Variants in AXIN1 observed in about 807,000 individuals in gnomAD.
AXIN1 encodes axin 1.
Under a neutral mutation model 76.4 loss-of-function variants are expected in AXIN1, and 30 were observed. That is an observed-to-expected ratio of 0.39 (90% CI 0.29 to 0.53). The LOEUF (loss-of-function observed/expected upper bound fraction) is 0.53. AXIN1 is among the 20% of genes least tolerant of loss of function. The probability of loss-of-function intolerance (pLI) is 0.66; values close to 1 mark genes in which losing one functional copy is unlikely to be tolerated. For missense variants in AXIN1, 1,140 were observed against 1,198.8 expected, an observed-to-expected ratio of 0.95 and a Z score of 0.72; for synonymous variants, 545 against 501.4, an observed-to-expected ratio of 1.09 and a Z score of -1.16.
intron 2 of AXIN1, among the ~76,000 whole-genome samples, chr16:316,072 C>A (rs747980913): frequency 5.9e-5 from 9 of 151,914 alleles, no homozygotes; most frequent in East Asian, 1.9e-4. Flanking sequence ...ATAAATAAAT[C>A]AATCAGATAT....
rs1016858677 is a variant in AXIN1 at position 291,218 on chromosome 16, C to T, written c.2266G>A (p.Val756Met). The T allele has an allele frequency of 3.1e-6, 5 of 1,588,542 alleles. No individual in the cohort carries two copies. Among genetic ancestry groups the T allele is most frequent in the Admixed American group, 3.6e-5 (2 of 55,592 alleles). Residue 756 changes from valine (V) to methionine (M), a missense_variant, in exon 9 of 11, where the codon GTG becomes ATG. Val to Met is a conservative substitution (Grantham distance 21). Transcript: ENST00000262320. ...CAPVLHVVPAVSDMELSETET... is the reference protein window; with the variant it reads ...CAPVLHVVPAMSDMELSETET... ...GTCTCGGAGAGCTCCATGTCCGACA[C>T]GGCTGGTACCACGTGCAGCACCGGC...
chr16:297,677 C>A (rs374566993), intron 6 of AXIN1, 45 bp downstream of exon 6: 1 of 1,540,684 alleles, frequency 6.5e-7, no homozygotes. Context: ...TGCAGGGACA[C>A]AGCCTCACCC....
At position 296,908 on chromosome 16, in the gene AXIN1, C is replaced by T. The variant is rs1439486694; in HGVS notation, c.1955+148G>A. On this transcript the variant is annotated intron_variant, in intron 7 of 10. Transcript: ENST00000262320. ...GGCCCAGGGAGCCTGCTGGAGGGTGCCCGGGAGGGTGCCACAGTGACAGGG... is the reference window on the plus strand; with the variant it reads ...GGCCCAGGGAGCCTGCTGGAGGGTGTCCGGGAGGGTGCCACAGTGACAGGG... 5.1e-6 allele frequency: 5 copies of T among 979,274 alleles called. No individual in the cohort carries two copies. In the Admixed American group the frequency reaches 5.7e-5, roughly 11 times the overall value. The allele number at this position is 979,274 out of a possible 1,614,324, so 60.7% of individuals were successfully genotyped here. A position where few individuals can be genotyped will look rare whatever the true frequency, so the allele number is the denominator to read the frequency against.
At position 287,869 on chromosome 16, in the gene AXIN1, C is replaced by CCCCA; in HGVS notation, c.*252_*253insTGGG. The CCCCA allele has an allele frequency of 3.4e-6, 2 of 589,814 alleles. No homozygotes were observed. Among genetic ancestry groups the CCCCA allele is most frequent in the Non-Finnish European group, 6.0e-6 (2 of 333,514 alleles). 36.5% of individuals were successfully genotyped at this position (589,814 alleles called of 1,614,324 possible). A position where few individuals can be genotyped will look rare whatever the true frequency, so the allele number is the denominator to read the frequency against. The stretch of plus-strand genomic sequence containing the variant: ...AAGCTGGCAGCAGGGACCTCGGCTG[C>CCCCA]CTCACTTGGGCTGGGCCCTCCAAGT... On this transcript the variant is annotated 3_prime_UTR_variant, in exon 11 of 11. Transcript: ENST00000262320.
In AXIN1 at chr16:339,706, C is replaced by G. The variant is rs1597109317; in HGVS notation, c.878+6442G>C. Among the ~76,000 whole-genome samples, 10 of 152,018 alleles carry G rather than the reference C, an allele frequency of 6.6e-5. 2 individuals are homozygous for G. In the South Asian group the frequency reaches 2.1e-3, roughly 32 times the overall value. ...AAAAAAAAAAAAATTCTCTTCAGAT[C>G]TGCTCAAACAGGGGAAGCAAATACC... On this transcript the variant is annotated intron_variant, in intron 2 of 10. Coordinates refer to ENST00000262320, the MANE Select transcript of AXIN1 (RefSeq NM_003502.4).
At chr16:352,285 G>T in intron 1 of AXIN1, 84 bp downstream of exon 1, 1 of 844,290 alleles carries the variant, frequency 1.2e-6, no homozygotes, top group Non-Finnish European at 1.4e-6. Flanking sequence ...ACGCGCGTCA[G>T]CCACCCGCGC....
intron 5 of AXIN1, among the ~76,000 whole-genome samples, chr16:299,952 G>A (rs920642638): frequency 2.7e-4 from 40 of 150,144 alleles, no homozygotes; most frequent in African/African-American, 7.9e-4. Context: ...ACCGTGCCCG[G>A]CCTATTTTTA....
chr16:330,404 T>C (rs1296892498), intron 2 of AXIN1, among the ~76,000 whole-genome samples: 1 of 152,206 alleles, frequency 6.6e-6, no homozygotes, highest in African/African-American at 2.4e-5. Context: ...CAATCTGTCT[T>C]TGCATTGACT....
At chr16:310,528 C>G (rs183389635) in intron 3 of AXIN1, among the ~76,000 whole-genome samples, 1 of 152,196 alleles carries the variant, frequency 6.6e-6, no homozygotes, top group African/African-American at 2.4e-5. Flanking sequence ...TCCTGAGTAG[C>G]TGGGACTACA....
chr16:351,347 C>T (rs2054138743), intron 1 of AXIN1, among the ~76,000 whole-genome samples: 1 of 152,116 alleles, frequency 6.6e-6, no homozygotes, highest in African/African-American at 2.4e-5. Context: ...CGGTGGCTCA[C>T]GCCTGTAATC....
chr16:335,322 G>A (rs935567971), intron 2 of AXIN1, among the ~76,000 whole-genome samples: 2 of 151,984 alleles, frequency 1.3e-5, no homozygotes, highest in African/African-American at 4.8e-5. Context: ...GCACACCTCG[G>A]CCACTAGTCT....
Position 293,774 on chromosome 16 carries a change from T to G in AXIN1, c.1956-56A>C. On this transcript the variant is annotated intron_variant, in intron 7 of 10. Transcript: ENST00000262320. The surrounding 1 kb of genome is among the most constrained non-coding windows in gnomAD (Gnocchi z 4.6). ...TGGCCGACACCCTGGCCAGGTGGCC[T>G]GGTGGGGCTACACTCATCTCACAAG... 6.5e-7 allele frequency: 1 copy of G among 1,548,496 alleles called. No individual in the cohort carries two copies. The highest frequency in any genetic ancestry group is 8.9e-7 in the Non-Finnish European group (1 of 1,126,472).
chr16:333,873 C>A, intron 2 of AXIN1, among the ~76,000 whole-genome samples: 1 of 139,454 alleles, frequency 7.2e-6, no homozygotes, highest in Middle Eastern at 6.0e-3. Context: ...CACCCAATAC[C>A]ACAGCACACC....
intron 8 of AXIN1, chr16:291,529 CCCT>C: frequency 1.7e-6 from 1 of 589,404 alleles, no homozygotes; most frequent in Middle Eastern, 4.6e-4. Context: ...GGCACCAACC[CCCT>C]GAGTTCCCTG....
At chr16:297,313 C>G in intron 6 of AXIN1, 87 bp from the exon 7 acceptor site, 1 of 1,560,334 alleles carries the variant, frequency 6.4e-7, no homozygotes, top group South Asian at 1.1e-5. Context: ...CTCCTGGCAT[C>G]TGTAAGGCTC....
Position 348,904 on chromosome 16 carries a change from C to T in AXIN1, c.-81-1798G>A, listed in dbSNP as rs1404442824. 6.6e-5 allele frequency among the ~76,000 whole-genome samples: 10 copies of T among 152,006 alleles called. No homozygotes were observed. The East Asian group carries it at 1.9e-3, about 30-fold the overall frequency. The stretch of plus-strand genomic sequence containing the variant: ...ACGAGGTCAAGAGATCGAGACCATC[C>T]TGGCTAACACGGTGAAACCCCATCT... On this transcript the variant is annotated intron_variant, in intron 1 of 10. Transcript: ENST00000262320.
chr16:288,425 T>G, intron 10 of AXIN1, 177 bp from the exon 11 acceptor site: 1 of 939,242 alleles, frequency 1.1e-6, no homozygotes, highest in South Asian at 1.5e-5. Context: ...AATGACCACA[T>G]GTGGGTGAAG....
At chr16:350,106 T>C (rs2054112697) in intron 1 of AXIN1, among the ~76,000 whole-genome samples, 3 of 152,234 alleles carry the variant, frequency 2.0e-5, no homozygotes. Context: ...TTTTAATTCA[T>C]GTGTGAACCA....
intron 1 of AXIN1, among the ~76,000 whole-genome samples, chr16:350,697 C>T (rs893063651): frequency 6.6e-6 from 1 of 152,202 alleles, no homozygotes; most frequent in African/African-American, 2.4e-5. Context: ...CTGAAATTCT[C>T]AATGACCAAT....
Sources: gnomAD v4.1 joint callset for allele counts (sites outside exome capture counted in the v4.1 genomes callset) on GRCh38, gnomAD v4.1.1 for gene constraint, Gnocchi (gnomAD v3.1) non-coding constraint, MANE v1.5 for transcripts, NCBI Gene and HGNC (gene_info 2026-07-23, HGNC 2026-07-21) for gene names.